GPC6: variants seen among roughly 807,000 people sequenced by gnomAD.
GPC6 encodes glypican 6.
In GPC6, 14 loss-of-function variants were observed where a neutral mutation model predicts 55.2. That is an observed-to-expected ratio of 0.25 (90% confidence interval 0.17 to 0.40). The LOEUF (loss-of-function observed/expected upper bound fraction) is 0.40. Ranked by LOEUF, GPC6 falls within the 10% of genes least tolerant of loss-of-function variation. The probability of loss-of-function intolerance (pLI) is 1.00; values close to 1 mark genes in which losing one functional copy is unlikely to be tolerated. For synonymous variants in GPC6, 278 were observed against 259.6 expected, an observed-to-expected ratio of 1.07 and a Z score of -0.68; for missense variants, 641 against 708.5, an observed-to-expected ratio of 0.90 and a Z score of 1.08.
At position 94,404,067 on chromosome 13, in the gene GPC6, T is replaced by C. The variant is rs547428615; in HGVS notation, c.*850T>C. The C allele has an allele frequency of 3.3e-5, 5 of 152,314 alleles. No homozygotes were observed. The highest frequency in any genetic ancestry group is 6.5e-5 in the Admixed American group (1 of 15,304). 9.4% of individuals were successfully genotyped at this position (152,314 alleles called of 1,614,324 possible). ...AATTCACCTTCCTCAAGAGTCTCAA[T>C]TGAAAATAATCTTTGATGATACAAT... On this transcript the variant is annotated 3_prime_UTR_variant, in exon 9 of 9. Transcript: ENST00000377047.
At chr13:93,746,184 G>A (rs141491772) in intron 2 of GPC6, among the ~76,000 whole-genome samples, 1 of 152,122 alleles carries the variant, frequency 6.6e-6, no homozygotes, top group African/African-American at 2.4e-5. Context: ...AGCAAGTCAG[G>A]GTGATTCCAA....
At chr13:93,679,258 A>G (rs1232307144) in intron 2 of GPC6, among the ~76,000 whole-genome samples, 3 of 152,134 alleles carry the variant, frequency 2.0e-5, no homozygotes, top group African/African-American at 4.8e-5. Flanking sequence ...TAAATATGCA[A>G]TTTGACCTAG....
At chr13:94,180,300 T>G (rs1483790806) in intron 4 of GPC6, among the ~76,000 whole-genome samples, 1 of 152,302 alleles carries the variant, frequency 6.6e-6, no homozygotes, top group East Asian at 1.9e-4. Context: ...CCTTAAGACA[T>G]ACGTTCTTTG....
rs186672604 is a variant in GPC6, at chr13:93,574,515, A to G, written c.319+29094A>G. Among the ~76,000 whole-genome samples the G allele has an allele frequency of 5.1e-3, 773 of 152,294 alleles. 5 individuals are homozygous for G. The highest frequency in any genetic ancestry group is 8.2e-3 in the Non-Finnish European group (559 of 68,014). The stretch of plus-strand genomic sequence containing the variant: ...CCCTAGCCTCCTGAACTGTGAGGCA[A>G]TAAATTTCTGTTCTATTAAGGTGCC... On this transcript the variant is annotated intron_variant, in intron 2 of 8. Transcript: ENST00000377047.
At chr13:94,297,854 C>T (rs936478856) in intron 5 of GPC6, among the ~76,000 whole-genome samples, 4 of 151,852 alleles carry the variant, frequency 2.6e-5, no homozygotes, top group African/African-American at 9.7e-5. Flanking sequence ...GAGAACTTGG[C>T]CTGAGGACCA....
At chr13:93,488,397 C>A (rs566147849) in intron 1 of GPC6, among the ~76,000 whole-genome samples, 2 of 152,132 alleles carry the variant, frequency 1.3e-5, no homozygotes, top group Non-Finnish European at 2.9e-5. Flanking sequence ...GGATCCAAGT[C>A]TTTGCTATTG....
rs1274719263 is a variant in GPC6 at position 93,227,693 on chromosome 13, T to A, written c.160+77T>A. ...TCCCACTGGCCGCCCGGCGTCCCCT[T>A]CCTTCCCCCTGTTGCTGAGTTGGTG... On this transcript the variant is annotated intron_variant, in intron 1 of 8. Coordinates refer to ENST00000377047, the MANE Select transcript of GPC6 (RefSeq NM_005708.5). This position sits in a 1 kb window ranked among gnomAD's most constrained non-coding sequence, Gnocchi z 4.3. The A allele has an allele frequency of 2.5e-6, 3 of 1,179,968 alleles. No homozygotes were observed. Among genetic ancestry groups the A allele is most frequent in the African/African-American group, 3.0e-5 (2 of 65,810 alleles). The allele number at this position is 1,179,968 out of a possible 1,614,324, so 73.1% of individuals were successfully genotyped here.
chr13:94,185,373 T>C (rs1486028242), intron 4 of GPC6, among the ~76,000 whole-genome samples: 2 of 152,102 alleles, frequency 1.3e-5, no homozygotes, highest in Admixed American at 1.3e-4. Context: ...TCCTTTCATT[T>C]CACACATTAG....
chr13:93,643,599 C>G (rs752920270), intron 2 of GPC6, among the ~76,000 whole-genome samples: 1 of 152,038 alleles, frequency 6.6e-6, no homozygotes, highest in Admixed American at 6.6e-5. Context: ...TTTCAGCTCC[C>G]CATCTCTAGT....
chr13:93,257,784 A>C (rs1877004494), intron 1 of GPC6, among the ~76,000 whole-genome samples: 1 of 152,198 alleles, frequency 6.6e-6, no homozygotes, highest in Admixed American at 6.5e-5. Flanking sequence ...CAAAACTACT[A>C]TCTAGGTGAA....
At chr13:94,036,209 A>G (rs35262597) in intron 4 of GPC6, among the ~76,000 whole-genome samples, 2,852 of 152,172 alleles carry the variant, frequency 0.019, 46 homozygotes, top group Non-Finnish European at 0.03. Context: ...GTGTCCATAG[A>G]TACTTGGTCA....
At chr13:93,472,114 A>G (rs1278032448) in intron 1 of GPC6, among the ~76,000 whole-genome samples, 1 of 152,182 alleles carries the variant, frequency 6.6e-6, no homozygotes, top group East Asian at 1.9e-4. Flanking sequence ...CCATAGTGTA[A>G]TGGTATCTTT....
intron 6 of GPC6, among the ~76,000 whole-genome samples, chr13:94,333,282 T>C (rs1013268686): frequency 6.6e-6 from 1 of 152,252 alleles, no homozygotes; most frequent in African/African-American, 2.4e-5. Flanking sequence ...ATGCATTAGA[T>C]GCAGTCATGG....
rs542762084 is a variant in GPC6, at chr13:93,583,485, A to G, written c.319+38064A>G. On this transcript the variant is annotated intron_variant, in intron 2 of 8. Transcript: ENST00000377047. Reference sequence around the variant, plus strand: ...CCATGCTGGAGTGCAGTGGCGCGATATCGGCTCACCGCAACCTCCGCCTCC... The same window carrying G: ...CCATGCTGGAGTGCAGTGGCGCGATGTCGGCTCACCGCAACCTCCGCCTCC... Among the ~76,000 whole-genome samples, 18 of 152,070 alleles carry G rather than the reference A, an allele frequency of 1.2e-4. 1 individual carries two copies. In the East Asian group the frequency reaches 3.5e-3, roughly 30 times the overall value.
At chr13:93,404,211 C>G (rs1876201098) in intron 1 of GPC6, among the ~76,000 whole-genome samples, 1 of 152,044 alleles carries the variant, frequency 6.6e-6, no homozygotes, top group African/African-American at 2.4e-5. Flanking sequence ...AACAAACCAA[C>G]TATAACGAAG....
intron 2 of GPC6, among the ~76,000 whole-genome samples, chr13:93,753,448 T>A (rs1415105796): frequency 6.6e-6 from 1 of 152,202 alleles, no homozygotes; most frequent in African/African-American, 2.4e-5. Context: ...TTTTTATTTT[T>A]AATTTTTATG....
At chr13:94,121,315 A>G (rs564877874) in intron 4 of GPC6, among the ~76,000 whole-genome samples, 1 of 152,278 alleles carries the variant, frequency 6.6e-6, no homozygotes, top group East Asian at 1.9e-4. Context: ...TTAGTTTTAC[A>G]CAAAACCCAC....
intron 2 of GPC6, among the ~76,000 whole-genome samples, chr13:93,775,875 C>A (rs1005559305): frequency 1.2e-4 from 18 of 152,194 alleles, no homozygotes; most frequent in Middle Eastern, 3.4e-3. Context: ...GAAAATAATT[C>A]TCTGAAAAGT....
intron 6 of GPC6, among the ~76,000 whole-genome samples, chr13:94,312,761 TC>T (rs1193922484): frequency 1.3e-5 from 2 of 148,896 alleles, no homozygotes; most frequent in African/African-American, 2.6e-5. Flanking sequence ...CCCTCAGTCT[TC>T]GCTTGGCCTG....
Sources: allele counts gnomAD v4.1 joint callset (sites outside exome capture counted in the v4.1 genomes callset), GRCh38; gene constraint gnomAD v4.1.1; non-coding constraint Gnocchi (gnomAD v3.1); transcripts MANE v1.5; gene names NCBI Gene and HGNC (gene_info 2026-07-23, HGNC 2026-07-21).